The following CYP2J2 variants were observed in gnomAD, a reference collection of about 807,000 sequenced individuals.
CYP2J2 encodes the protein cytochrome P450 2J2.
Under a neutral mutation model 48.8 loss-of-function variants are expected in CYP2J2, and 41 were observed. The observed-to-expected ratio is 0.84, with a 90% confidence interval of 0.66 to 1.09. The LOEUF is 1.09. Ranked by LOEUF, CYP2J2 falls within the 50% of genes least tolerant of loss-of-function variation. The pLI is 0.00. For synonymous variants in CYP2J2, 221 were observed against 227.1 expected, an observed-to-expected ratio of 0.97 and a Z score of 0.24; for missense variants, 644 against 617.3, an observed-to-expected ratio of 1.04 and a Z score of -0.46.
chr1:59,913,469 TCA>T (rs1644436950), intron 2 of CYP2J2, among the ~76,000 whole-genome samples: 1 of 152,314 alleles, frequency 6.6e-6, no homozygotes, highest in South Asian at 2.1e-4. Context: ...ATGATTGAAC[TCA>T]CAGTTTTCTC....
Position 59,926,613 on chromosome 1 carries a change from G to A in CYP2J2, c.134C>T (p.Pro45Leu), listed in dbSNP as rs778385147. ...LKRRRPKNYP[P>L]GPWRLPFLGN... ...AAGGAAGGGCAGGCGCCAGGGCCCCGGCGGGTAGTTCTTTGGGCGCCGTCT... is the reference window on the plus strand; with the variant it reads ...AAGGAAGGGCAGGCGCCAGGGCCCCAGCGGGTAGTTCTTTGGGCGCCGTCT... Residue 45 changes from proline to leucine, a missense_variant, in exon 1 of 9, where the codon CCG (proline) becomes CTG (leucine). Coordinates refer to ENST00000371204, the MANE Select transcript of CYP2J2 (RefSeq NM_000775.4). 4.3e-6 allele frequency: 7 copies of A among 1,614,114 alleles called. No homozygotes were observed. In the East Asian group the frequency reaches 1.3e-4, roughly 31 times the overall value.
At chr1:59,953,067 TC>T in the CYP2J2 span, among the ~76,000 whole-genome samples, 2 of 152,124 alleles carry the variant, frequency 1.3e-5, no homozygotes, top group Non-Finnish European at 2.9e-5. Context: ...GGAAAAGCTC[TC>T]CTCTGGCCTG....
At chr1:59,907,477 C>G (rs1335559156) in intron 6 of CYP2J2, among the ~76,000 whole-genome samples, 1 of 152,176 alleles carries the variant, frequency 6.6e-6, no homozygotes, top group Non-Finnish European at 1.5e-5. Context: ...GGGAAGGACA[C>G]AACTAGACTT....
chr1:59,897,648 A>G (rs906360023), intron 8 of CYP2J2, among the ~76,000 whole-genome samples: 1 of 152,242 alleles, frequency 6.6e-6, no homozygotes, highest in African/African-American at 2.4e-5. Flanking sequence ...CCTATCTCCT[A>G]GAATCTAATG....
the CYP2J2 span, among the ~76,000 whole-genome samples, chr1:59,969,137 G>C: frequency 3.9e-5 from 6 of 152,228 alleles, no homozygotes; most frequent in Non-Finnish European, 8.8e-5. Context: ...GACCCAAAGA[G>C]TTAGCAGCAG....
At chr1:59,933,771 T>C in the CYP2J2 span, among the ~76,000 whole-genome samples, 2 of 152,190 alleles carry the variant, frequency 1.3e-5, no homozygotes, top group Admixed American at 6.5e-5. Flanking sequence ...TGTTCATAGA[T>C]TGAAAGACTT....
At chr1:59,946,908 G>A in the CYP2J2 span, among the ~76,000 whole-genome samples, 1 of 151,844 alleles carries the variant, frequency 6.6e-6, no homozygotes, top group Non-Finnish European at 1.5e-5. Context: ...AATACCTAAT[G>A]CATATAGTTC....
the CYP2J2 span, among the ~76,000 whole-genome samples, chr1:59,960,772 G>A: frequency 3.0e-4 from 45 of 152,152 alleles, no homozygotes; most frequent in Non-Finnish European, 8.8e-5. Flanking sequence ...GAACCTGGGA[G>A]GCGGAGGTTG....
At chr1:59,942,732 G>A in the CYP2J2 span, among the ~76,000 whole-genome samples, 1 of 152,098 alleles carries the variant, frequency 6.6e-6, no homozygotes, top group South Asian at 2.1e-4. Context: ...GTAGCAGAGG[G>A]AGGGAAGAAA....
intron 8 of CYP2J2, 37 bp downstream of exon 8, chr1:59,900,928 G>T: frequency 6.2e-7 from 1 of 1,600,038 alleles, no homozygotes; most frequent in Non-Finnish European, 8.6e-7. Flanking sequence ...TGGGAGAGGG[G>T]CCCTGGACTC....
chr1:59,925,208 C>G (rs904120972), intron 1 of CYP2J2, among the ~76,000 whole-genome samples: 11 of 152,076 alleles, frequency 7.2e-5, no homozygotes, highest in African/African-American at 2.7e-4. Flanking sequence ...TTTGAAACTT[C>G]AACATTCTTC....
At chr1:59,930,152 C>T (rs1184697091), upstream of CYP2J2, among the ~76,000 whole-genome samples, 1 of 152,186 alleles carries the variant, frequency 6.6e-6, no homozygotes, top group Non-Finnish European at 1.5e-5. Context: ...ACTCAGAAAA[C>T]TGTTAACCCA....
At chr1:59,966,440 T>C in the CYP2J2 span, among the ~76,000 whole-genome samples, 4 of 152,146 alleles carry the variant, frequency 2.6e-5, no homozygotes, top group African/African-American at 9.7e-5. Flanking sequence ...CCATTTCCAG[T>C]TTACAGATGA....
Position 59,911,727 on chromosome 1 carries a change from A to C in CYP2J2, c.565T>G (p.Ser189Ala). Reference sequence around the variant, plus strand: ...AAGGTGATGGAGCAAATGATATTGGAAACTGCATTGTTGATCTTGAAATGA... The same window carrying C: ...AAGGTGATGGAGCAAATGATATTGGCAACTGCATTGTTGATCTTGAAATGA... Reference protein sequence around the residue: ...DPHFKINNAVSNIICSITFGE... With the variant: ...DPHFKINNAVANIICSITFGE... The change falls in exon 4 of 9, where the codon TCC (serine) becomes GCC (alanine). Residue 189 changes from serine to alanine, a missense_variant. Physicochemically the swap from Ser to Ala is moderately conservative, Grantham distance 99. Coordinates refer to ENST00000371204, the MANE Select transcript of CYP2J2 (RefSeq NM_000775.4). 5 of 1,613,752 alleles carry C rather than the reference A, an allele frequency of 3.1e-6. No individual in the cohort carries two copies. Among genetic ancestry groups the C allele is most frequent in the Non-Finnish European group, 4.2e-6 (5 of 1,179,728 alleles).
the CYP2J2 span, among the ~76,000 whole-genome samples, chr1:59,942,683 A>G: frequency 6.6e-6 from 1 of 152,150 alleles, no homozygotes; most frequent in Non-Finnish European, 1.5e-5. Context: ...AGATCATTGC[A>G]GTGAACAGGT....
chr1:59,916,489 G>A (rs777273887), intron 1 of CYP2J2, among the ~76,000 whole-genome samples: 36 of 152,160 alleles, frequency 2.4e-4, no homozygotes, highest in Non-Finnish European at 4.7e-4. Flanking sequence ...ATCCCAACAC[G>A]TTGGGGGGCC....
At chr1:59,942,441 T>C in the CYP2J2 span, among the ~76,000 whole-genome samples, 1 of 151,020 alleles carries the variant, frequency 6.6e-6, no homozygotes. Flanking sequence ...CGGGGCAGAG[T>C]GTGTGAAGGA....
chr1:59,930,572 T>C (rs773411905), upstream of CYP2J2, among the ~76,000 whole-genome samples: 39 of 152,310 alleles, frequency 2.6e-4, no homozygotes, highest in Non-Finnish European at 4.9e-4. Flanking sequence ...TTCAGGTTCT[T>C]TGCCAATTTT....
chr1:59,929,854 T>C (rs1056955499), upstream of CYP2J2, among the ~76,000 whole-genome samples: 1 of 152,034 alleles, frequency 6.6e-6, no homozygotes, highest in Non-Finnish European at 1.5e-5. Flanking sequence ...TTTGAAGAAA[T>C]AATAGCTGTA....
Sources: allele counts gnomAD v4.1 joint callset (sites outside exome capture counted in the v4.1 genomes callset), GRCh38; gene constraint gnomAD v4.1.1; transcripts MANE v1.5; gene names NCBI Gene and HGNC (gene_info 2026-07-23, HGNC 2026-07-21).